The following NRG3 variants were observed in gnomAD, a reference collection of about 807,000 sequenced individuals.
NRG3 encodes the protein pro-neuregulin-3, membrane-bound isoform.
A neutral mutation model predicts 66.9 loss-of-function variants in NRG3; 31 were observed. The observed-to-expected ratio is 0.46, with a 90% CI of 0.35 to 0.63. The LOEUF (loss-of-function observed/expected upper bound fraction) is 0.63. Ranked by LOEUF, NRG3 falls within the 20% of genes least tolerant of loss-of-function variation. The probability of loss-of-function intolerance (pLI) is 0.00; values close to 1 mark genes in which losing one functional copy is unlikely to be tolerated. For missense variants in NRG3, 910 were observed against 878.9 expected (o/e 1.04, Z -0.45); for synonymous variants, 393 against 359.4 (o/e 1.09, Z -1.06).
At chr10:82,068,132 G>T (rs1054938989) in intron 1 of NRG3, among the ~76,000 whole-genome samples, 1 of 152,160 alleles carries the variant, frequency 6.6e-6, no homozygotes, top group Non-Finnish European at 1.5e-5. Context: ...GGGATTTCAG[G>T]ACTAATGTAA....
chr10:82,355,509 A>G (rs994191173), intron 1 of NRG3, among the ~76,000 whole-genome samples: 10 of 152,206 alleles, frequency 6.6e-5, no homozygotes, highest in Admixed American at 4.6e-4. Context: ...ATATCATCCA[A>G]AATTATTAGC....
chr10:82,260,989 C>T (rs1057349051), intron 1 of NRG3, among the ~76,000 whole-genome samples: 1 of 152,060 alleles, frequency 6.6e-6, no homozygotes, highest in Non-Finnish European at 1.5e-5. Context: ...GCAGGTTGCT[C>T]ATGAATGGCT....
At chr10:82,746,872 A>G (rs2058667449) in intron 3 of NRG3, among the ~76,000 whole-genome samples, 1 of 152,134 alleles carries the variant, frequency 6.6e-6, no homozygotes, top group Non-Finnish European at 1.5e-5. Flanking sequence ...TGAGCCCAGG[A>G]GTTGAATATC....
chr10:82,366,923 A>G (rs746072456), intron 2 of NRG3, among the ~76,000 whole-genome samples: 1 of 152,220 alleles, frequency 6.6e-6, no homozygotes, highest in African/African-American at 2.4e-5. Flanking sequence ...ACGAAAGCCT[A>G]CAGAAAATAA....
chr10:82,259,345 C>T (rs1328307076), intron 1 of NRG3, among the ~76,000 whole-genome samples: 1 of 152,142 alleles, frequency 6.6e-6, no homozygotes, highest in East Asian at 1.9e-4. Context: ...GACAAGTAGT[C>T]CTTGGGCCAG....
chr10:82,646,622 T>C (rs1368309825), intron 2 of NRG3, among the ~76,000 whole-genome samples: 1 of 152,208 alleles, frequency 6.6e-6, no homozygotes, highest in African/African-American at 2.4e-5. Context: ...ACAGATTTTA[T>C]TCATATAATA....
intron 1 of NRG3, among the ~76,000 whole-genome samples, chr10:82,192,724 T>C (rs2133369392): frequency 6.6e-6 from 1 of 152,236 alleles, no homozygotes; most frequent in Middle Eastern, 3.4e-3. Context: ...AGGAGATATG[T>C]AGTGAACAAG....
At chr10:81,941,317 A>C (rs1223057728) in intron 1 of NRG3, among the ~76,000 whole-genome samples, 4 of 151,984 alleles carry the variant, frequency 2.6e-5, no homozygotes, top group Non-Finnish European at 5.9e-5. Flanking sequence ...CATCACCTAA[A>C]AATTGGTAAC....
rs753359237 is a variant in NRG3, at chr10:82,973,853, C to T, written c.1350C>T (p.Gly450=). Residue 450 remains glycine, a synonymous_variant, in exon 7 of 9, where the codon GGC becomes GGT. Coordinates refer to ENST00000372141, the MANE Select transcript of NRG3 (RefSeq NM_001010848.4). ...LEKMMESSFV[G]PQSFPEVPSP... is the part of the protein sequence containing the mutation. ...AAATGATGGAGTCAAGTTTTGTCGGCCCCCAGTCATTCCCTGAGGTCCCTT... is the reference window on the plus strand; with the variant it reads ...AAATGATGGAGTCAAGTTTTGTCGGTCCCCAGTCATTCCCTGAGGTCCCTT... 3 of 1,613,904 alleles carry T rather than the reference C, an allele frequency of 1.9e-6. No individual in the cohort carries two copies. Among genetic ancestry groups the T allele is most frequent in the South Asian group, 2.2e-5 (2 of 91,082 alleles).
At chr10:82,965,791 A>G (rs2132509075) in intron 6 of NRG3, among the ~76,000 whole-genome samples, 1 of 152,028 alleles carries the variant, frequency 6.6e-6, no homozygotes, top group East Asian at 1.9e-4. Flanking sequence ...AAAAGCTATG[A>G]TCATGGTCAG....
intron 2 of NRG3, among the ~76,000 whole-genome samples, chr10:82,502,675 T>C (rs1384237228): frequency 6.6e-6 from 1 of 152,178 alleles, no homozygotes; most frequent in Non-Finnish European, 1.5e-5. Context: ...ACAAATTTCT[T>C]TGTGCCTCAG....
intron 2 of NRG3, among the ~76,000 whole-genome samples, chr10:82,525,847 T>C (rs1284370059): frequency 6.6e-6 from 1 of 151,814 alleles, no homozygotes; most frequent in Non-Finnish European, 1.5e-5. Context: ...AACAGAAACC[T>C]ATAAAAAGTG....
intron 3 of NRG3, among the ~76,000 whole-genome samples, chr10:82,783,895 G>A (rs1220108855): frequency 4.9e-4 from 74 of 151,998 alleles, no homozygotes; most frequent in Admixed American, 1.4e-3. Flanking sequence ...AGCCCGCATC[G>A]CCAAGTCAAT....
intron 2 of NRG3, among the ~76,000 whole-genome samples, chr10:82,643,442 C>A (rs1252198868): frequency 6.6e-6 from 1 of 152,020 alleles, no homozygotes; most frequent in Non-Finnish European, 1.5e-5. Flanking sequence ...GTCCATTAAA[C>A]TTCTTTCTTT....
At chr10:82,948,084 A>G (rs1222533109) in intron 4 of NRG3, among the ~76,000 whole-genome samples, 2 of 151,964 alleles carry the variant, frequency 1.3e-5, no homozygotes, top group Admixed American at 1.3e-4. Flanking sequence ...TTGAGTGTAT[A>G]TATGTATAGA....
At chr10:82,084,706 A>C (rs1278390289) in intron 1 of NRG3, among the ~76,000 whole-genome samples, 1 of 152,074 alleles carries the variant, frequency 6.6e-6, no homozygotes, top group Non-Finnish European at 1.5e-5. Flanking sequence ...GTCACTGTCA[A>C]ATCACCCCCA....
At chr10:82,015,459 T>C (rs1390220743) in intron 1 of NRG3, among the ~76,000 whole-genome samples, 1 of 152,122 alleles carries the variant, frequency 6.6e-6, no homozygotes, top group Non-Finnish European at 1.5e-5. Context: ...TCCTGAATTG[T>C]AATCCCCATA....
At chr10:82,826,168 G>A (rs546303356) in intron 3 of NRG3, among the ~76,000 whole-genome samples, 5 of 152,282 alleles carry the variant, frequency 3.3e-5, no homozygotes, top group African/African-American at 1.2e-4. Context: ...TAATCATAGA[G>A]AGTTTGATAT....
chr10:81,934,129 TACA>T (rs1847643410), intron 1 of NRG3, among the ~76,000 whole-genome samples: 1 of 152,204 alleles, frequency 6.6e-6, no homozygotes, highest in Admixed American at 6.5e-5. Context: ...TGACAGTGCT[TACA>T]ACAACTAATA....
Sources: gnomAD v4.1 joint callset for allele counts (sites outside exome capture counted in the v4.1 genomes callset) on GRCh38, gnomAD v4.1.1 for gene constraint, MANE v1.5 for transcripts, NCBI Gene and HGNC (gene_info 2026-07-23, HGNC 2026-07-21) for gene names.